Variants in ARHGEF11 observed in about 807,000 individuals in gnomAD.
The protein encoded by ARHGEF11 is Rho guanine exchange factor (GEF) 11.
Under a neutral mutation model 193.7 loss-of-function variants are expected in ARHGEF11, and 55 were observed. The observed-to-expected ratio is 0.28, with a 90% CI of 0.23 to 0.36. The LOEUF (loss-of-function observed/expected upper bound fraction) is 0.36, where lower values mean the gene tolerates loss of function less well. Ranked by LOEUF, ARHGEF11 falls within the 10% of genes least tolerant of loss-of-function variation. ARHGEF11 has a pLI of 1.00. For missense variants in ARHGEF11, 1,723 were observed against 2,005.6 expected, an observed-to-expected ratio of 0.86 and a Z score of 2.69; for synonymous variants, 693 against 768.0, an observed-to-expected ratio of 0.90 and a Z score of 1.62.
chr1:157,041,353 T>C (rs561579117), intron 1 of ARHGEF11, among the ~76,000 whole-genome samples: 42 of 152,334 alleles, frequency 2.8e-4, no homozygotes, highest in African/African-American at 9.9e-4. Context: ...TAGCCCATCT[T>C]TCAGTAACAA....
At chr1:157,010,261 A>G (rs1668387794) in intron 1 of ARHGEF11, among the ~76,000 whole-genome samples, 1 of 152,230 alleles carries the variant, frequency 6.6e-6, no homozygotes, top group South Asian at 2.1e-4. Context: ...CAGGGCAATT[A>G]GGCAAGAAAA....
At position 157,018,278 on chromosome 1, in the gene ARHGEF11, C is replaced by T. The variant is rs1243472821; in HGVS notation, c.32+26021G>A. ...TCTCTGAACTGATCTATGGTTTCTG[C>T]ACAATCCCAATCATAATCTCAGAAG... On this transcript the variant is annotated intron_variant, in intron 1 of 40. Transcript: ENST00000368194. Among the ~76,000 whole-genome samples the T allele has an allele frequency of 1.3e-5, 2 of 152,128 alleles. 1 individual carries two copies. The highest frequency in any genetic ancestry group is 4.1e-4 in the South Asian group (2 of 4,824).
chr1:156,986,308 C>G (rs1378413369), intron 1 of ARHGEF11, 135 bp from the exon 2 acceptor site: 4 of 631,700 alleles, frequency 6.3e-6, no homozygotes, highest in Middle Eastern at 4.3e-4. Context: ...GTAACCCAAT[C>G]TGGTAGGACA....
upstream of ARHGEF11, among the ~76,000 whole-genome samples, chr1:157,046,308 G>C (rs1199809038): frequency 2.0e-5 from 3 of 151,204 alleles, no homozygotes; most frequent in African/African-American, 7.3e-5. Flanking sequence ...ATTGACTTCT[G>C]CTCGGGAGCC....
intron 1 of ARHGEF11, among the ~76,000 whole-genome samples, chr1:157,001,459 C>T (rs1557933712): frequency 2.6e-5 from 4 of 152,218 alleles, no homozygotes; most frequent in Admixed American, 1.3e-4. Context: ...GTTGTTTACT[C>T]CATTCCCTCA....
At chr1:157,036,570 C>T (rs1672075990) in intron 1 of ARHGEF11, among the ~76,000 whole-genome samples, 1 of 152,096 alleles carries the variant, frequency 6.6e-6, no homozygotes. Context: ...AATCCACCCA[C>T]CTCGGCCTCC....
At chr1:156,969,147 G>A in intron 10 of ARHGEF11, 135 bp downstream of exon 10, 1 of 702,264 alleles carries the variant, frequency 1.4e-6, no homozygotes, top group East Asian at 2.7e-5. Flanking sequence ...AGAGCACAGT[G>A]ATTATATCCT....
At chr1:157,040,644 TACA>T (rs1672624465) in intron 1 of ARHGEF11, among the ~76,000 whole-genome samples, 1 of 152,186 alleles carries the variant, frequency 6.6e-6, no homozygotes, top group Non-Finnish European at 1.5e-5. Flanking sequence ...CATGCACTTC[TACA>T]ACAATAAAGC....
At chr1:157,028,933 G>A (rs889067005) in intron 1 of ARHGEF11, among the ~76,000 whole-genome samples, 4 of 152,088 alleles carry the variant, frequency 2.6e-5, no homozygotes, top group Non-Finnish European at 4.4e-5. Flanking sequence ...TTGGCAGGCT[G>A]CAGTGGGTGG....
At chr1:157,022,069 G>A (rs1670048826) in intron 1 of ARHGEF11, among the ~76,000 whole-genome samples, 1 of 152,184 alleles carries the variant, frequency 6.6e-6, no homozygotes, top group Admixed American at 6.5e-5. Flanking sequence ...CTATAAAAAA[G>A]CCAAAGCTAT....
Position 156,938,418 on chromosome 1 carries a change from C to T in ARHGEF11, c.4192G>A (p.Gly1398Arg). The change falls in exon 38 of 41, where the codon GGG (glycine) becomes AGG (arginine). Residue 1398 changes from glycine to arginine, a missense_variant and splice_region_variant. By Grantham distance (125) the Gly-to-Arg change is moderately radical (BLOSUM62 -2). Transcript: ENST00000368194. ...PEVEGGTKAT[G>R]NCFYVSMPSG... is the part of the protein sequence containing the mutation. ...TTAGCTCCAAGGAGAAAGTTATTAC[C>T]CGTAGCCTTTGTTCCGCCTTCCACT... The T allele has an allele frequency of 6.2e-7, 1 of 1,613,382 alleles. No homozygotes were observed. The highest frequency in any genetic ancestry group is 8.5e-7 in the Non-Finnish European group (1 of 1,179,546).
Position 156,942,007 on chromosome 1 carries a change from CAG to C in ARHGEF11, c.3327-20_3327-19del, listed in dbSNP as rs1452940689. The C allele has an allele frequency of 2.5e-6, 4 of 1,613,922 alleles. No individual in the cohort carries two copies. Among genetic ancestry groups the C allele is most frequent in the Non-Finnish European group, 3.4e-6 (4 of 1,180,006 alleles). Reference sequence around the variant, plus strand: ...CCATCCATCTGTTGCTCGGCAGGAACAGAGAGGACTGTAGTGAGAGCAAGATA... The same window carrying C: ...CCATCCATCTGTTGCTCGGCAGGAACAGAGGACTGTAGTGAGAGCAAGATA... On this transcript the variant is annotated intron_variant, in intron 33 of 40. Transcript: ENST00000368194.
At chr1:156,960,578 G>A in intron 14 of ARHGEF11, 118 bp from the exon 15 acceptor site, 1 of 852,990 alleles carries the variant, frequency 1.2e-6, no homozygotes, top group Non-Finnish European at 1.9e-6. Context: ...GCCTACATCT[G>A]CCTACCATCC....
chr1:157,001,907 C>T (rs1455137645), intron 1 of ARHGEF11, among the ~76,000 whole-genome samples: 1 of 152,218 alleles, frequency 6.6e-6, no homozygotes, highest in Admixed American at 6.5e-5. Context: ...TGTCCTACAG[C>T]ACTTAATTTG....
intron 1 of ARHGEF11, among the ~76,000 whole-genome samples, chr1:157,016,639 T>C (rs1669269703): frequency 1.3e-5 from 2 of 152,242 alleles, no homozygotes; most frequent in African/African-American, 2.4e-5. Context: ...CTTTTAGAGA[T>C]ACATACTGAA....
At position 156,946,714 on chromosome 1, in the gene ARHGEF11, T is replaced by A. The variant is rs766557926; in HGVS notation, c.2642A>T (p.Glu881Val). 2 of 1,614,154 alleles carry A rather than the reference T, an allele frequency of 1.2e-6. No individual in the cohort carries two copies. Among genetic ancestry groups the A allele is most frequent in the Admixed American group, 3.3e-5 (2 of 60,018 alleles). The change falls in exon 28 of 41, where the codon GAG (glutamate) becomes GTG (valine). Residue 881 changes from glutamate to valine, a missense_variant. Glu to Val is a moderately radical substitution (Grantham distance 121). Around this residue, in one of 5 missense-constraint regions of ARHGEF11, gnomAD observed 491 missense variants for 654.5 expected, o/e 0.75. Transcript: ENST00000368194. ...CTTGCGTTGCTTGGTCTTGATTAGC[T>A]CTAGGGCTATTGACTGATAGGAACA... Reference protein sequence around the residue: ...QFCSYQSIALELIKTKQRKES... With the variant: ...QFCSYQSIALVLIKTKQRKES...
At chr1:156,970,972 G>GT (rs1662406856) in intron 8 of ARHGEF11, among the ~76,000 whole-genome samples, 5 of 152,180 alleles carry the variant, frequency 3.3e-5, no homozygotes. Flanking sequence ...ATTTGCCTAT[G>GT]TTTCCCAAAC....
At chr1:157,036,684 C>T (rs1214779869) in intron 1 of ARHGEF11, among the ~76,000 whole-genome samples, 3 of 152,106 alleles carry the variant, frequency 2.0e-5, no homozygotes, top group East Asian at 3.9e-4. Flanking sequence ...AATGGCCTAA[C>T]CTAAGGGTCT....
intron 17 of ARHGEF11, 45 bp downstream of exon 17, chr1:156,958,697 C>T: frequency 6.2e-7 from 1 of 1,611,302 alleles, no homozygotes; most frequent in Non-Finnish European, 8.5e-7. Context: ...ATATGTCAAC[C>T]TGCTTAGGAT....
Sources: allele counts gnomAD v4.1 joint callset (sites outside exome capture counted in the v4.1 genomes callset), GRCh38; gene constraint gnomAD v4.1.1; regional missense constraint gnomAD v4.1.1; transcripts MANE v1.5; gene names NCBI Gene and HGNC (gene_info 2026-07-23, HGNC 2026-07-21).